CPA6: variants seen among roughly 807,000 people sequenced by gnomAD.
The protein encoded by CPA6 is carboxypeptidase B.
CPA6 carries 58 observed loss-of-function variants against 63.3 expected under a neutral mutation model. The ratio of observed to expected loss-of-function variants is 0.92; its 90% CI spans 0.74 to 1.14. The LOEUF is 1.14. Ranked by LOEUF, CPA6 falls within the 50% of genes most tolerant of loss-of-function variation. The pLI, the probability that CPA6 is intolerant of heterozygous loss-of-function variation, is 0.00. For missense variants in CPA6, 565 were observed against 526.6 expected, an observed-to-expected ratio of 1.07 and a Z score of -0.71; for synonymous variants, 185 against 179.0, an observed-to-expected ratio of 1.03 and a Z score of -0.27.
chr8:67,676,981 A>G (rs1440848217), intron 1 of CPA6, among the ~76,000 whole-genome samples: 1 of 152,170 alleles, frequency 6.6e-6, no homozygotes, highest in Non-Finnish European at 1.5e-5. Flanking sequence ...CTGTGTTTGC[A>G]TATATGCCAT....
chr8:67,458,947 T>C (rs1054872261), intron 8 of CPA6, among the ~76,000 whole-genome samples: 1 of 152,192 alleles, frequency 6.6e-6, no homozygotes, highest in African/African-American at 2.4e-5. Flanking sequence ...ATTGTAGTAA[T>C]ACAAAATTGT....
intron 2 of CPA6, among the ~76,000 whole-genome samples, chr8:67,544,950 GAGTAGGCCA>G (rs1481377776): frequency 2.6e-5 from 4 of 152,104 alleles, no homozygotes; most frequent in African/African-American, 9.7e-5. Flanking sequence ...GGCCATCAAA[GAGTAGGCCA>G]AATTATTTTA....
At chr8:67,587,506 C>T (rs1564011853) in intron 2 of CPA6, among the ~76,000 whole-genome samples, 1 of 151,426 alleles carries the variant, frequency 6.6e-6, no homozygotes, top group African/African-American at 2.4e-5. Flanking sequence ...GTAAGGTGGC[C>T]TTTTTTTTGG....
intron 2 of CPA6, among the ~76,000 whole-genome samples, chr8:67,525,725 A>G (rs147725507): frequency 2.0e-4 from 30 of 152,354 alleles, no homozygotes; most frequent in Admixed American, 3.3e-4. Context: ...AGGCCCATCA[A>G]TCAAAGACTG....
chr8:67,440,324 A>G lies in CPA6; in HGVS notation c.839-6084T>C, dbSNP rs1266276639. ...GGTGACTCACACCTGTAATCCCAAC[A>G]CTTTGGGAGGCTGAAGCGGGCGGAT... is the stretch of plus-strand genomic sequence containing the variant. On this transcript the variant is annotated intron_variant, in intron 8 of 10. Transcript: ENST00000297770. 2.6e-5 allele frequency among the ~76,000 whole-genome samples: 4 copies of G among 152,240 alleles called. No homozygotes were observed. The East Asian group carries it at 7.7e-4, about 29-fold the overall frequency.
intron 2 of CPA6, among the ~76,000 whole-genome samples, chr8:67,596,670 G>A (rs529779676): frequency 3.9e-5 from 6 of 151,972 alleles, no homozygotes; most frequent in East Asian, 3.9e-4. Context: ...AATAGTACAC[G>A]CTAATCTATA....
At chr8:67,454,682 G>A (rs368354364) in intron 8 of CPA6, among the ~76,000 whole-genome samples, 2 of 152,144 alleles carry the variant, frequency 1.3e-5, no homozygotes, top group East Asian at 3.8e-4. Context: ...GAACAACTGC[G>A]GAATATATAA....
intron 1 of CPA6, among the ~76,000 whole-genome samples, chr8:67,633,550 G>A (rs188393902): frequency 0.01 from 1,555 of 152,094 alleles, 9 homozygotes; most frequent in Non-Finnish European, 0.015. Flanking sequence ...GCGTGGTGGC[G>A]GGCGCCTGTA....
At chr8:67,536,913 G>T (rs993651128) in intron 2 of CPA6, among the ~76,000 whole-genome samples, 4 of 152,164 alleles carry the variant, frequency 2.6e-5, no homozygotes, top group African/African-American at 9.7e-5. Flanking sequence ...AAGGGGCATT[G>T]AATTTTATTG....
At position 67,590,644 on chromosome 8, in the gene CPA6, G is replaced by C. The variant is rs1337635585; in HGVS notation, c.192+33532C>G. On this transcript the variant is annotated intron_variant, in intron 2 of 10. Transcript: ENST00000297770. ...TTGCATTTCTCTAATGGCCAGTGAT[G>C]ATGAGCATTTTTTCATGTGTCTTTT... 3.3e-5 allele frequency among the ~76,000 whole-genome samples: 5 copies of C among 152,198 alleles called. No homozygotes were observed. In the East Asian group the frequency reaches 9.6e-4, roughly 29 times the overall value.
chr8:67,537,615 T>C (rs774895682), intron 2 of CPA6, among the ~76,000 whole-genome samples: 2 of 152,138 alleles, frequency 1.3e-5, no homozygotes, highest in Non-Finnish European at 2.9e-5. Context: ...TGGTCTATTT[T>C]GTTAATCTTT....
intron 8 of CPA6, among the ~76,000 whole-genome samples, chr8:67,465,454 T>C (rs573985211): frequency 5.3e-5 from 8 of 152,258 alleles, no homozygotes; most frequent in Non-Finnish European, 1.0e-4. Context: ...AGAGAGCTAG[T>C]TTAACTTCTT....
intron 3 of CPA6, among the ~76,000 whole-genome samples, chr8:67,516,536 G>A (rs1372064453): frequency 3.3e-5 from 5 of 152,120 alleles, no homozygotes; most frequent in African/African-American, 7.2e-5. Context: ...TCTCTGCTTC[G>A]CTAATTCTAA....
At chr8:67,673,879 GC>G (rs1262206617) in intron 1 of CPA6, among the ~76,000 whole-genome samples, 5 of 152,094 alleles carry the variant, frequency 3.3e-5, no homozygotes, top group Non-Finnish European at 7.3e-5. Flanking sequence ...CCTTCAAGAA[GC>G]CTTTAATACA....
At chr8:67,565,491 C>CA (rs1211116611) in intron 2 of CPA6, among the ~76,000 whole-genome samples, 3 of 152,146 alleles carry the variant, frequency 2.0e-5, no homozygotes, top group Non-Finnish European at 4.4e-5. Context: ...CATGATAGAT[C>CA]AAAGGAAGCA....
intron 8 of CPA6, among the ~76,000 whole-genome samples, chr8:67,477,344 T>G (rs1371555712): frequency 1.3e-5 from 2 of 151,566 alleles, no homozygotes; most frequent in African/African-American, 4.8e-5. Flanking sequence ...GCATTACAGT[T>G]TAGCTCATTC....
chr8:67,713,464 C>T (rs987783413), intron 1 of CPA6, among the ~76,000 whole-genome samples: 1 of 152,034 alleles, frequency 6.6e-6, no homozygotes, highest in African/African-American at 2.4e-5. Context: ...TCGGGTTTTA[C>T]CATTGGCCCT....
In CPA6 at chr8:67,509,528, A is replaced by G; in HGVS notation, c.523T>C (p.Phe175Leu). Residue 175 changes from phenylalanine (F) to leucine (L), a missense_variant, in exon 5 of 11, where the codon TTT (phenylalanine) becomes CTT (leucine). Phe to Leu is a conservative substitution (Grantham distance 22). Transcript: ENST00000297770. Reference sequence around the variant, plus strand: ...TTGCTTATTTTTACCTTTAAAATAAAAAGAGATCTTCCCTCATATGATCTT... The same window carrying G: ...TTGCTTATTTTTACCTTTAAAATAAGAAGAGATCTTCCCTCATATGATCTT... ...IGRSYEGRSLFILKLGRRSRL... is the reference protein window; with the variant it reads ...IGRSYEGRSLLILKLGRRSRL... 2.6e-6 allele frequency: 4 copies of G among 1,534,380 alleles called. No homozygotes were observed. Among genetic ancestry groups the G allele is most frequent in the Non-Finnish European group, 3.6e-6 (4 of 1,115,838 alleles).
At chr8:67,664,271 C>A (rs1037127566) in intron 1 of CPA6, among the ~76,000 whole-genome samples, 5 of 152,164 alleles carry the variant, frequency 3.3e-5, no homozygotes, top group Admixed American at 6.5e-5. Context: ...CAGATCTACC[C>A]CTAACATTTG....
Sources: allele counts gnomAD v4.1 joint callset (sites outside exome capture counted in the v4.1 genomes callset), GRCh38; gene constraint gnomAD v4.1.1; transcripts MANE v1.5; gene names NCBI Gene and HGNC (gene_info 2026-07-23, HGNC 2026-07-21).